Variants in PXDNL observed in about 807,000 individuals in gnomAD.
PXDNL encodes the protein peroxidasin like.
PXDNL carries 145 observed loss-of-function variants against 150.8 expected under a neutral mutation model. The observed-to-expected ratio is 0.96, with a 90% CI of 0.84 to 1.10. The LOEUF is 1.10. Ranked by LOEUF, PXDNL falls within the 50% of genes least tolerant of loss-of-function variation. The probability of loss-of-function intolerance (pLI) is 0.00; values close to 1 mark genes in which losing one functional copy is unlikely to be tolerated. For missense variants in PXDNL, 2,087 were observed against 1,873.9 expected, an observed-to-expected ratio of 1.11 and a Z score of -2.10; for synonymous variants, 757 against 725.7, an observed-to-expected ratio of 1.04 and a Z score of -0.69.
At chr8:51,700,898 C>T (rs1816246355) in intron 1 of PXDNL, among the ~76,000 whole-genome samples, 1 of 151,536 alleles carries the variant, frequency 6.6e-6, no homozygotes, top group African/African-American at 2.4e-5. Context: ...ACACAATATA[C>T]TCCTATACAT....
chr8:51,596,374 C>A (rs1813563959), intron 2 of PXDNL, among the ~76,000 whole-genome samples: 1 of 152,064 alleles, frequency 6.6e-6, no homozygotes, highest in African/African-American at 2.4e-5. Context: ...GCATATGTGT[C>A]TTTTTGGTAG....
intron 1 of PXDNL, among the ~76,000 whole-genome samples, chr8:51,662,315 C>T (rs750797776): frequency 6.6e-6 from 1 of 151,242 alleles, no homozygotes; most frequent in Non-Finnish European, 1.5e-5. Flanking sequence ...GTCAAGAGTT[C>T]GAGACCAGCC....
chr8:51,468,928 T>C (rs1244967801), intron 8 of PXDNL, among the ~76,000 whole-genome samples: 1 of 152,028 alleles, frequency 6.6e-6, no homozygotes, highest in East Asian at 1.9e-4. Flanking sequence ...AATCTAAGTG[T>C]ATTCATATTT....
intron 1 of PXDNL, among the ~76,000 whole-genome samples, chr8:51,696,607 G>A (rs536366303): frequency 7.4e-5 from 3 of 40,600 alleles, no homozygotes; most frequent in Admixed American, 3.1e-4. Flanking sequence ...TCTCTGTGCC[G>A]ACAGGAAACA....
intron 8 of PXDNL, among the ~76,000 whole-genome samples, chr8:51,464,060 A>T (rs1284037012): frequency 6.6e-6 from 1 of 151,848 alleles, no homozygotes; most frequent in African/African-American, 2.4e-5. Context: ...CCCAAAAGTG[A>T]AGCAGAAGAA....
At chr8:51,685,374 C>T (rs1050355327) in intron 1 of PXDNL, among the ~76,000 whole-genome samples, 4 of 152,176 alleles carry the variant, frequency 2.6e-5, no homozygotes, top group African/African-American at 9.7e-5. Context: ...TCTTCAAATG[C>T]CAGTTCATGT....
intron 18 of PXDNL, among the ~76,000 whole-genome samples, chr8:51,372,627 T>A (rs1278272822): frequency 6.6e-6 from 1 of 152,216 alleles, no homozygotes; most frequent in East Asian, 1.9e-4. Flanking sequence ...TCAAGTGATC[T>A]GCCCACCTCG....
intron 17 of PXDNL, among the ~76,000 whole-genome samples, chr8:51,403,414 C>A (rs1044974077): frequency 1.3e-5 from 2 of 152,130 alleles, no homozygotes; most frequent in Non-Finnish European, 2.9e-5. Flanking sequence ...TCCCGGAACT[C>A]CTCTGCTGTC....
At chr8:51,349,931 G>T (rs1388393982) in intron 19 of PXDNL, among the ~76,000 whole-genome samples, 1 of 152,094 alleles carries the variant, frequency 6.6e-6, no homozygotes, top group Non-Finnish European at 1.5e-5. Flanking sequence ...AAGGGGAAAA[G>T]TACAAATAAC....
intron 1 of PXDNL, among the ~76,000 whole-genome samples, chr8:51,770,416 A>T (rs1330521688): frequency 6.6e-6 from 1 of 152,238 alleles, no homozygotes; most frequent in Non-Finnish European, 1.5e-5. Context: ...ACACTGGTTT[A>T]GCTGGAGGGG....
chr8:51,767,160 T>G (rs2037240740), intron 1 of PXDNL, among the ~76,000 whole-genome samples: 1 of 152,066 alleles, frequency 6.6e-6, no homozygotes, highest in Non-Finnish European at 1.5e-5. Flanking sequence ...TAGTCCAACA[T>G]CTGAGTTTTC....
At chr8:51,640,554 C>A (rs1216353173) in intron 2 of PXDNL, among the ~76,000 whole-genome samples, 3 of 152,166 alleles carry the variant, frequency 2.0e-5, no homozygotes, top group East Asian at 3.8e-4. Flanking sequence ...TTCTTACACA[C>A]CAATAACAGA....
intron 2 of PXDNL, among the ~76,000 whole-genome samples, chr8:51,641,946 G>A (rs939177081): frequency 3.9e-5 from 6 of 151,920 alleles, no homozygotes; most frequent in African/African-American, 1.5e-4. Context: ...GCAAAGACTT[G>A]GAACCAACCC....
At chr8:51,387,155 T>C (rs1807741596) in intron 17 of PXDNL, among the ~76,000 whole-genome samples, 1 of 151,932 alleles carries the variant, frequency 6.6e-6, no homozygotes, top group African/African-American at 2.4e-5. Context: ...ACTGCATAGA[T>C]CTCATAATTA....
At chr8:51,335,643 T>C (rs1241622939) in intron 21 of PXDNL, among the ~76,000 whole-genome samples, 1 of 151,630 alleles carries the variant, frequency 6.6e-6, no homozygotes, top group Non-Finnish European at 1.5e-5. Flanking sequence ...ATTAAAAGTG[T>C]AAATTCTTAT....
At chr8:51,721,734 A>T (rs1018289539) in intron 1 of PXDNL, 30 of 437,112 alleles carry the variant, frequency 6.9e-5, no homozygotes, top group Non-Finnish European at 1.3e-4. Flanking sequence ...CTTCACTATC[A>T]TCATCATCAT....
chr8:51,681,901 T>A (rs1039587557), intron 1 of PXDNL, among the ~76,000 whole-genome samples: 10 of 152,154 alleles, frequency 6.6e-5, no homozygotes, highest in African/African-American at 2.4e-4. Context: ...TCTGTATAAA[T>A]CTATCATACA....
At chr8:51,774,083 G>A (rs2037327059) in intron 1 of PXDNL, among the ~76,000 whole-genome samples, 2 of 152,156 alleles carry the variant, frequency 1.3e-5, no homozygotes, top group African/African-American at 4.8e-5. Context: ...TTTTTATTCA[G>A]TCTAATTTAG....
At chr8:51,634,669 A>G (rs1814567335) in intron 2 of PXDNL, among the ~76,000 whole-genome samples, 1 of 152,028 alleles carries the variant, frequency 6.6e-6, no homozygotes, top group Non-Finnish European at 1.5e-5. Flanking sequence ...AGTGTTTTGT[A>G]CTTTTCCTTA....
Sources: gnomAD v4.1 joint callset for allele counts (sites outside exome capture counted in the v4.1 genomes callset) on GRCh38, gnomAD v4.1.1 for gene constraint, MANE v1.5 for transcripts, NCBI Gene and HGNC (gene_info 2026-07-23, HGNC 2026-07-21) for gene names.